The following ERBB4 variants were observed in gnomAD, a reference collection of about 807,000 sequenced individuals.
ERBB4 encodes the protein receptor tyrosine-protein kinase erbB-4.
A neutral mutation model predicts 158.0 loss-of-function variants in ERBB4; 42 were observed. The observed-to-expected ratio is 0.27, with a 90% CI of 0.21 to 0.34. The LOEUF (loss-of-function observed/expected upper bound fraction) is 0.34. Ranked by LOEUF, ERBB4 falls within the 10% of genes least tolerant of loss-of-function variation. The pLI is 1.00. For missense variants in ERBB4, 1,333 were observed against 1,624.1 expected (o/e 0.82, Z 3.08); for synonymous variants, 583 against 558.7 (o/e 1.04, Z -0.61).
At chr2:211,475,949 C>T (rs1395892415) in intron 20 of ERBB4, among the ~76,000 whole-genome samples, 1 of 152,042 alleles carries the variant, frequency 6.6e-6, no homozygotes, top group African/African-American at 2.4e-5. Context: ...AAAATAACTA[C>T]ACGATCAATT....
At chr2:212,300,970 G>A (rs1014772867) in intron 1 of ERBB4, among the ~76,000 whole-genome samples, 4 of 151,448 alleles carry the variant, frequency 2.6e-5, no homozygotes, top group Non-Finnish European at 5.9e-5. Flanking sequence ...AAGATGTCTG[G>A]AAAGCAAAAT....
At chr2:211,693,632 C>T (rs1488636723) in intron 12 of ERBB4, among the ~76,000 whole-genome samples, 1 of 152,142 alleles carries the variant, frequency 6.6e-6, no homozygotes, top group Non-Finnish European at 1.5e-5. Context: ...GGATTTCCCA[C>T]AGGCATCTGT....
intron 1 of ERBB4, among the ~76,000 whole-genome samples, chr2:212,526,128 T>C (rs192036576): frequency 3.0e-4 from 45 of 152,192 alleles, no homozygotes; most frequent in Admixed American, 1.9e-3. Flanking sequence ...CTATAAATAT[T>C]GAGTGAAAGC....
intron 2 of ERBB4, among the ~76,000 whole-genome samples, chr2:212,017,119 CAT>C (rs1227913913): frequency 2.0e-5 from 3 of 152,052 alleles, no homozygotes; most frequent in African/African-American, 7.2e-5. Flanking sequence ...ATGATAAAAA[CAT>C]ATCAGGTGTG....
chr2:212,024,338 C>A (rs1257818012), intron 2 of ERBB4, among the ~76,000 whole-genome samples: 1 of 151,294 alleles, frequency 6.6e-6, no homozygotes, highest in East Asian at 1.9e-4. Flanking sequence ...TAAAAAAAAA[C>A]AAAGAGCTTT....
chr2:211,586,920 T>G (rs1260698834), intron 19 of ERBB4, among the ~76,000 whole-genome samples: 1 of 152,164 alleles, frequency 6.6e-6, no homozygotes, highest in African/African-American at 2.4e-5. Context: ...AAGAAAAATA[T>G]ATATTGAAGT....
At chr2:212,318,818 T>G (rs1278885609) in intron 1 of ERBB4, among the ~76,000 whole-genome samples, 1 of 151,600 alleles carries the variant, frequency 6.6e-6, no homozygotes, top group Non-Finnish European at 1.5e-5. Flanking sequence ...AAGCTGAAAC[T>G]TCCGGTCTTC....
intron 3 of ERBB4, among the ~76,000 whole-genome samples, chr2:211,836,809 ATAT>A (rs1453366777): frequency 7.9e-5 from 12 of 152,054 alleles, no homozygotes; most frequent in South Asian, 2.1e-4. Flanking sequence ...TATTTCGGTA[ATAT>A]TATAAATTAG....
intron 19 of ERBB4, among the ~76,000 whole-genome samples, chr2:211,581,275 C>T (rs1268013851): frequency 6.6e-6 from 1 of 151,422 alleles, no homozygotes; most frequent in East Asian, 1.9e-4. Flanking sequence ...GGAAATAAAA[C>T]AATTAATATA....
rs75526116 is a variant in ERBB4, at chr2:212,491,839, G to A, written c.82+46610C>T. On this transcript the variant is annotated intron_variant, in intron 1 of 27. Coordinates refer to ENST00000342788, the MANE Select transcript of ERBB4 (RefSeq NM_005235.3). Reference sequence around the variant, plus strand: ...CATTCAAAACTATTGACATTCCAAAGATCACATAAAAATCTGGATTATATG... The same window carrying A: ...CATTCAAAACTATTGACATTCCAAAAATCACATAAAAATCTGGATTATATG... 5.5e-3 allele frequency among the ~76,000 whole-genome samples: 834 copies of A among 151,540 alleles called. 13 individuals are homozygous for A. The highest frequency in any genetic ancestry group is 0.019 in the African/African-American group (780 of 41,450).
At chr2:211,779,896 A>C (rs2075991830) in intron 4 of ERBB4, 1 of 152,156 alleles carries the variant, frequency 6.6e-6, no homozygotes, top group Admixed American at 6.5e-5. Flanking sequence ...TATAGGCTAA[A>C]CCCTATATGT....
intron 1 of ERBB4, among the ~76,000 whole-genome samples, chr2:212,482,941 C>T (rs1280020996): frequency 6.6e-6 from 1 of 152,140 alleles, no homozygotes; most frequent in Non-Finnish European, 1.5e-5. Flanking sequence ...TTTTTGACAA[C>T]TTAAAAATTT....
At chr2:211,541,314 C>A (rs568117824) in intron 20 of ERBB4, among the ~76,000 whole-genome samples, 1 of 151,860 alleles carries the variant, frequency 6.6e-6, no homozygotes, top group East Asian at 1.9e-4. Flanking sequence ...AATTGAGCTA[C>A]TTTTTGTGTC....
chr2:211,636,627 T>C (rs1451386428), intron 16 of ERBB4, among the ~76,000 whole-genome samples: 1 of 151,962 alleles, frequency 6.6e-6, no homozygotes, highest in African/African-American at 2.4e-5. Flanking sequence ...AGTGCCTCTA[T>C]GTGAGCAATA....
intron 2 of ERBB4, among the ~76,000 whole-genome samples, chr2:212,015,838 AC>A: frequency 6.6e-6 from 1 of 152,202 alleles, no homozygotes; most frequent in East Asian, 1.9e-4. Context: ...AGGCCCTTTG[AC>A]CTTGAACAGT....
rs183073454 is a variant in ERBB4, at chr2:211,453,077, G to A, written c.2488-21977C>T. Among the ~76,000 whole-genome samples, 13 of 152,172 alleles carry A rather than the reference G, an allele frequency of 8.5e-5. No individual in the cohort carries two copies. The East Asian group carries it at 1.5e-3, about 18-fold the overall frequency. ...CTACCAGATTGCAAGGAGAAAATTC[G>A]AAGCCTAGCTTCTCAAGGATTTGCT... On this transcript the variant is annotated intron_variant, in intron 20 of 27. Coordinates refer to ENST00000342788, the MANE Select transcript of ERBB4 (RefSeq NM_005235.3).
intron 1 of ERBB4, among the ~76,000 whole-genome samples, chr2:212,173,674 C>T (rs1306966292): frequency 1.3e-5 from 2 of 151,974 alleles, no homozygotes; most frequent in Non-Finnish European, 2.9e-5. Context: ...AACCACTTGA[C>T]TTCTAGCAGA....
chr2:211,518,142 G>A (rs1353689716), intron 20 of ERBB4, among the ~76,000 whole-genome samples: 2 of 151,926 alleles, frequency 1.3e-5, no homozygotes, highest in Non-Finnish European at 1.5e-5. Flanking sequence ...CGTGAGGTCT[G>A]GAATAAAACT....
At chr2:211,752,493 A>G in intron 4 of ERBB4, among the ~76,000 whole-genome samples, 1 of 132,320 alleles carries the variant, frequency 7.6e-6, no homozygotes, top group African/African-American at 3.4e-5. Flanking sequence ...CCTAACTGGA[A>G]AAAAAAAAAA....
Sources: gnomAD v4.1 joint callset for allele counts (sites outside exome capture counted in the v4.1 genomes callset) on GRCh38, gnomAD v4.1.1 for gene constraint, MANE v1.5 for transcripts, NCBI Gene and HGNC (gene_info 2026-07-23, HGNC 2026-07-21) for gene names.